Variants in TWIST2 observed in about 807,000 individuals in gnomAD.
TWIST2 encodes the protein twist-related protein 2.
Under a neutral mutation model 11.6 loss-of-function variants are expected in TWIST2, and 1 was observed. The ratio of observed to expected loss-of-function variants is 0.09; its 90% CI spans 0.03 to 0.41. The LOEUF is 0.41. TWIST2 is among the 10% of genes least tolerant of loss of function. TWIST2 has a pLI of 0.98. For missense variants in TWIST2, 168 were observed against 226.4 expected, an observed-to-expected ratio of 0.74 and a Z score of 1.66; for synonymous variants, 87 against 96.6, an observed-to-expected ratio of 0.90 and a Z score of 0.58.
At chr2:238,896,987 A>G (rs993893601) in intron 1 of TWIST2, among the ~76,000 whole-genome samples, 270 of 152,302 alleles carry the variant, frequency 1.8e-3, no homozygotes, top group Middle Eastern at 3.4e-3. Flanking sequence ...GAGTGAGGGC[A>G]ACCTGGCAGA....
chr2:238,875,338 A>T (rs1002598252), intron 1 of TWIST2, among the ~76,000 whole-genome samples: 1 of 151,868 alleles, frequency 6.6e-6, no homozygotes, highest in African/African-American at 2.4e-5. Context: ...TCCAAGAAGA[A>T]GACGGCCTCT....
intron 1 of TWIST2, among the ~76,000 whole-genome samples, chr2:238,880,153 GTATT>G (rs1692883799): frequency 6.6e-6 from 1 of 152,084 alleles, no homozygotes; most frequent in African/African-American, 2.4e-5. Context: ...GTTAGTGTTA[GTATT>G]TATTGGTATT....
rs1043298161 is a variant in TWIST2 at position 238,850,942 on chromosome 2, G to A, written c.*35+2209G>A. 3.9e-5 allele frequency among the ~76,000 whole-genome samples: 6 copies of A among 152,182 alleles called. 1 individual carries two copies. In the East Asian group the frequency reaches 5.8e-4, roughly 15 times the overall value. On this transcript the variant is annotated intron_variant, in intron 1 of 1. Transcript: ENST00000612363. The stretch of plus-strand genomic sequence containing the variant: ...CACCTTGTTTTTATTTATCAGGCAC[G>A]TTAGGCAGACATCTTGTCATTCTTT...
intron 1 of TWIST2, among the ~76,000 whole-genome samples, chr2:238,855,139 G>T (rs754773339): frequency 6.6e-6 from 1 of 152,178 alleles, no homozygotes; most frequent in Non-Finnish European, 1.5e-5. Flanking sequence ...AACCTATACC[G>T]ACTGGGTCCC....
chr2:238,856,962 C>G (rs751535497), intron 1 of TWIST2, among the ~76,000 whole-genome samples: 2 of 152,108 alleles, frequency 1.3e-5, no homozygotes, highest in African/African-American at 2.4e-5. Flanking sequence ...AAAGTGTGTC[C>G]AAGAAGCCCC....
intron 1 of TWIST2, among the ~76,000 whole-genome samples, chr2:238,903,565 G>C (rs1238499778): frequency 7.5e-6 from 1 of 132,820 alleles, no homozygotes; most frequent in East Asian, 2.3e-4. Context: ...GTGTGATGTA[G>C]TGTGTGTGAT....
intron 1 of TWIST2, among the ~76,000 whole-genome samples, chr2:238,861,587 A>G (rs1692437467): frequency 6.6e-6 from 1 of 151,940 alleles, no homozygotes; most frequent in Admixed American, 6.5e-5. Flanking sequence ...CCCTATCTCT[A>G]TCTCACTATC....
At chr2:238,869,727 T>G (rs1458899205) in intron 1 of TWIST2, among the ~76,000 whole-genome samples, 1 of 152,182 alleles carries the variant, frequency 6.6e-6, no homozygotes, top group Non-Finnish European at 1.5e-5. Flanking sequence ...GAGGATTGCT[T>G]GAGGCCAAGA....
At chr2:238,897,332 C>A (rs2106371697) in intron 1 of TWIST2, among the ~76,000 whole-genome samples, 1 of 152,236 alleles carries the variant, frequency 6.6e-6, no homozygotes, top group South Asian at 2.1e-4. Flanking sequence ...CCCCTGTGTC[C>A]CCCAAGCTTC....
At chr2:238,893,938 T>A (rs1693178366) in intron 1 of TWIST2, among the ~76,000 whole-genome samples, 1 of 151,968 alleles carries the variant, frequency 6.6e-6, no homozygotes, top group Non-Finnish European at 1.5e-5. Context: ...TGACACCCCC[T>A]GGTGTCAGTT....
chr2:238,850,416 C>T (rs1306375922), intron 1 of TWIST2, among the ~76,000 whole-genome samples: 1 of 152,104 alleles, frequency 6.6e-6, no homozygotes, highest in Non-Finnish European at 1.5e-5. Context: ...TGGTTTATAG[C>T]ACATCTGAAA....
At chr2:238,869,589 C>T (rs2106357235) in intron 1 of TWIST2, among the ~76,000 whole-genome samples, 1 of 152,308 alleles carries the variant, frequency 6.6e-6, no homozygotes, top group East Asian at 1.9e-4. Flanking sequence ...CCAACAAGCA[C>T]ATGAAAAGAT....
intron 1 of TWIST2, among the ~76,000 whole-genome samples, chr2:238,898,926 C>A (rs2106372302): frequency 1.3e-5 from 2 of 152,364 alleles, no homozygotes; most frequent in South Asian, 4.1e-4. Context: ...TCCTGGTGGG[C>A]CCCTTGGCAC....
rs761752428 is a variant in TWIST2, at chr2:238,848,407, G to A, written c.192G>A (p.Leu64=). The part of the protein sequence containing the change: ...GSPSAQSFEE[L]QSQRILANVR... ...CCAGCGCGCAGTCCTTCGAGGAGCTGCAGAGCCAGCGCATCCTGGCCAACG... is the reference window on the plus strand; with the variant it reads ...CCAGCGCGCAGTCCTTCGAGGAGCTACAGAGCCAGCGCATCCTGGCCAACG... The change falls in exon 1 of 2, where the codon CTG becomes CTA. Residue 64 remains leucine, a synonymous_variant. Coordinates refer to ENST00000612363, the MANE Select transcript of TWIST2 (RefSeq NM_001271893.4). 4.6e-5 allele frequency: 70 copies of A among 1,537,632 alleles called. No individual in the cohort carries two copies. In the African/African-American group the frequency reaches 8.6e-4, roughly 19 times the overall value.
At chr2:238,873,657 C>T (rs1692751908) in intron 1 of TWIST2, among the ~76,000 whole-genome samples, 1 of 152,190 alleles carries the variant, frequency 6.6e-6, no homozygotes, top group African/African-American at 2.4e-5. Flanking sequence ...GCGCTCCTCC[C>T]TGTGCCCAAT....
At chr2:238,902,999 CGTGA>C in intron 1 of TWIST2, among the ~76,000 whole-genome samples, 1 of 10,326 alleles carries the variant, frequency 9.7e-5, no homozygotes, top group Non-Finnish European at 1.6e-4. Context: ...TGGGTATGTG[CGTGA>C]TGTGAGGTGT....
chr2:238,861,390 G>A (rs1231040375), intron 1 of TWIST2, among the ~76,000 whole-genome samples: 2 of 152,192 alleles, frequency 1.3e-5, no homozygotes, highest in Non-Finnish European at 2.9e-5. Flanking sequence ...TGTCCAGCCT[G>A]TGCTCTGTAT....
intron 1 of TWIST2, among the ~76,000 whole-genome samples, chr2:238,884,974 T>TC (rs1260474006): frequency 6.6e-6 from 1 of 151,930 alleles, no homozygotes; most frequent in Non-Finnish European, 1.5e-5. Flanking sequence ...CAGTGGAGCG[T>TC]CCCCCCATGG....
At position 238,910,047 on chromosome 2, in the gene TWIST2, CT is replaced by C. The variant is rs1218357221; in HGVS notation, c.*242del. The C allele has an allele frequency of 4.6e-5, 7 of 152,152 alleles. No homozygotes were observed. The highest frequency in any genetic ancestry group is 1.0e-4 in the Non-Finnish European group (7 of 68,024). 9.4% of individuals were successfully genotyped at this position (152,152 alleles called of 1,614,324 possible). On this transcript the variant is annotated 3_prime_UTR_variant, in exon 2 of 2. Coordinates refer to ENST00000612363, the MANE Select transcript of TWIST2 (RefSeq NM_001271893.4). ...AGGAAGGGCACTCCCAGCCCTCTTG[CT>C]GGTGACATTGTCATGGTCATCTTGT...
Sources: allele counts gnomAD v4.1 joint callset (sites outside exome capture counted in the v4.1 genomes callset), GRCh38; gene constraint gnomAD v4.1.1; transcripts MANE v1.5; gene names NCBI Gene and HGNC (gene_info 2026-07-23, HGNC 2026-07-21).